The following LAMA3 variants were observed in gnomAD, a reference collection of about 807,000 sequenced individuals.
LAMA3 encodes the protein laminin subunit alpha 3, also known as laminin subunit alpha-3.
A neutral mutation model predicts 402.0 loss-of-function variants in LAMA3; 281 were observed. That is an observed-to-expected ratio of 0.70 (90% CI 0.63 to 0.77). The LOEUF (loss-of-function observed/expected upper bound fraction) is 0.77. Among genes scored for constraint, LAMA3 ranks in the 30% least tolerant of loss-of-function variants. The probability of loss-of-function intolerance (pLI) is 0.00; values close to 1 mark genes in which losing one functional copy is unlikely to be tolerated. For synonymous variants in LAMA3, 1,431 were observed against 1,558.4 expected, an observed-to-expected ratio of 0.92 and a Z score of 1.93; for missense variants, 3,840 against 4,215.5, an observed-to-expected ratio of 0.91 and a Z score of 2.47.
chr18:23,793,147 G>A (rs1421990085), intron 12 of LAMA3, among the ~76,000 whole-genome samples: 1 of 152,142 alleles, frequency 6.6e-6, no homozygotes, highest in Non-Finnish European at 1.5e-5. Context: ...ATTTCAGTGG[G>A]TGCTGGGACA....
intron 70 of LAMA3, among the ~76,000 whole-genome samples, chr18:23,949,322 A>G (rs1371593341): frequency 6.6e-6 from 1 of 152,180 alleles, no homozygotes; most frequent in Non-Finnish European, 1.5e-5. Flanking sequence ...AAGCTAACAC[A>G]CTGCCTCGTG....
chr18:23,748,197 G>A, intron 3 of LAMA3, 137 bp downstream of exon 3: 4 of 700,096 alleles, frequency 5.7e-6, no homozygotes, highest in South Asian at 3.0e-5. Context: ...GGAAGGCCAA[G>A]GCGGGTGGAT....
At position 23,933,914 on chromosome 18, in the gene LAMA3, C is replaced by T; in HGVS notation, c.8841C>T (p.Thr2947=). 2 of 1,614,060 alleles carry T rather than the reference C, an allele frequency of 1.2e-6. No individual in the cohort carries two copies. The part of the protein sequence containing the change: ...LLKGSTRFNK[T]KTFRINQLLQ... Reference sequence around the variant, plus strand: ...AAGGTTCTACCAGGTTTAACAAGACCAAGACTTTTCGTATCAACCAGGTAA... The same window carrying T: ...AAGGTTCTACCAGGTTTAACAAGACTAAGACTTTTCGTATCAACCAGGTAA... The change falls in exon 67 of 75, where the codon ACC becomes ACT. Residue 2947 remains threonine (T), a synonymous_variant. Transcript: ENST00000313654.
chr18:23,794,391 TATATATCATG>T (rs979955128), intron 12 of LAMA3, among the ~76,000 whole-genome samples: 1 of 152,200 alleles, frequency 6.6e-6, no homozygotes, highest in African/African-American at 2.4e-5. Flanking sequence ...CGAAAACCGC[TATATATCATG>T]ATACCACAAC....
intron 1 of LAMA3, among the ~76,000 whole-genome samples, chr18:23,694,599 A>T (rs1007887589): frequency 6.6e-6 from 1 of 152,218 alleles, no homozygotes; most frequent in Non-Finnish European, 1.5e-5. Context: ...TGTGTCCAAG[A>T]TCACACACTT....
intron 7 of LAMA3, among the ~76,000 whole-genome samples, chr18:23,762,361 G>A (rs1007509832): frequency 2.6e-5 from 4 of 152,064 alleles, no homozygotes; most frequent in African/African-American, 9.7e-5. Context: ...GGCCGAGGCG[G>A]GCAGGTCACT....
At chr18:23,915,484 T>C in intron 59 of LAMA3, 62 bp downstream of exon 59, 3 of 1,489,090 alleles carry the variant, frequency 2.0e-6, no homozygotes, top group South Asian at 2.3e-5. Context: ...GCAGTACTTT[T>C]ACATATGATA....
intron 56 of LAMA3, among the ~76,000 whole-genome samples, chr18:23,913,777 A>T (rs2081515194): frequency 6.6e-6 from 1 of 152,192 alleles, no homozygotes; most frequent in Non-Finnish European, 1.5e-5. Flanking sequence ...TAAAATGCAC[A>T]TTACTTTATT....
intron 2 of LAMA3, among the ~76,000 whole-genome samples, chr18:23,732,158 C>G (rs971384726): frequency 3.3e-5 from 5 of 152,142 alleles, no homozygotes; most frequent in Admixed American, 3.3e-4. Context: ...GTAGATCCTG[C>G]ATTTCTAAGA....
Position 23,697,382 on chromosome 18 carries a change from C to T in LAMA3, c.294+7405C>T, listed in dbSNP as rs530394073. 6.6e-5 allele frequency among the ~76,000 whole-genome samples: 10 copies of T among 152,284 alleles called. No homozygotes were observed. The East Asian group carries it at 1.2e-3, about 18-fold the overall frequency. ...TTCTGGAGGGAGTTTTGGTCAACGACGCAGGCTGTACTGGCTCAGGAGCCT... is the reference window on the plus strand; with the variant it reads ...TTCTGGAGGGAGTTTTGGTCAACGATGCAGGCTGTACTGGCTCAGGAGCCT... On this transcript the variant is annotated intron_variant, in intron 1 of 74. Coordinates refer to ENST00000313654, the MANE Select transcript of LAMA3 (RefSeq NM_198129.4).
In LAMA3 at chr18:23,894,893, T is replaced by C; in HGVS notation, c.5462-14T>C. ...CCCCCACAGCACATTTGCCTTTGAT[T>C]GTGGCCCCTACAGATTGCGACAGCT... On this transcript the variant is annotated splice_polypyrimidine_tract_variant and intron_variant, in intron 43 of 74. Transcript: ENST00000313654. 1.2e-6 allele frequency: 2 copies of C among 1,614,146 alleles called. No homozygotes were observed. The highest frequency in any genetic ancestry group is 1.7e-6 in the Non-Finnish European group (2 of 1,180,012).
chr18:23,924,339 G>C (rs2081937990), intron 62 of LAMA3, among the ~76,000 whole-genome samples: 1 of 151,386 alleles, frequency 6.6e-6, no homozygotes, highest in Non-Finnish European at 1.5e-5. Context: ...TTTTAGCAGA[G>C]ACGGGGTTCC....
chr18:23,912,782 G>A lies in LAMA3; in HGVS notation c.7230G>A (p.Leu2410=), dbSNP rs1599077059. The change falls in exon 56 of 75, where the codon TTG becomes TTA. Residue 2410 remains leucine (L), a synonymous_variant. Coordinates refer to ENST00000313654, the MANE Select transcript of LAMA3 (RefSeq NM_198129.4). ...EVRLPNDLED[L]KGYTSLSLFL... is the part of the protein sequence containing the mutation. The stretch of plus-strand genomic sequence containing the variant: ...GACTGCCAAATGACCTGGAAGATTT[G>A]AAAGGATATACATCTCTGTCCTTGT... The A allele has an allele frequency of 6.2e-7, 1 of 1,614,010 alleles. No individual in the cohort carries two copies. Among genetic ancestry groups the A allele is most frequent in the African/African-American group, 1.3e-5 (1 of 75,030 alleles).
chr18:23,780,933 A>G (rs1006730938), intron 11 of LAMA3, among the ~76,000 whole-genome samples: 3 of 152,234 alleles, frequency 2.0e-5, no homozygotes, highest in Non-Finnish European at 4.4e-5. Flanking sequence ...AGCATGGAGA[A>G]TGAATTAGAA....
chr18:23,823,822 A>G (rs1598864096), intron 20 of LAMA3, among the ~76,000 whole-genome samples: 1 of 152,220 alleles, frequency 6.6e-6, no homozygotes, highest in East Asian at 1.9e-4. Flanking sequence ...AGAAGAAAAC[A>G]TATTTTTTCC....
Position 23,916,590 on chromosome 18 carries a change from G to T in LAMA3, c.7818G>T (p.Thr2606=), listed in dbSNP as rs139567388. 1.2e-6 allele frequency: 2 copies of T among 1,613,986 alleles called. No individual in the cohort carries two copies. Among genetic ancestry groups the T allele is most frequent in the Non-Finnish European group, 8.5e-7 (1 of 1,179,930 alleles). Residue 2606 remains threonine (T), a synonymous_variant, in exon 60 of 75, where the codon ACG becomes ACT. Transcript: ENST00000313654. ...CAGACAAAAATTATTTTGAAGGTAC[G>T]GGCTATGCTCGAGTTCCAACTCAAC... is the stretch of plus-strand genomic sequence containing the variant. ...EESDKNYFEG[T]GYARVPTQPH...
chr18:23,716,180 CA>C (rs2061095974), intron 2 of LAMA3, among the ~76,000 whole-genome samples: 1 of 150,442 alleles, frequency 6.6e-6, no homozygotes, highest in Non-Finnish European at 1.5e-5. Flanking sequence ...TTTTTTTAGA[CA>C]GGGTCTCACT....
chr18:23,768,844 G>A (rs1188335879), intron 8 of LAMA3, among the ~76,000 whole-genome samples: 3 of 152,180 alleles, frequency 2.0e-5, no homozygotes, highest in African/African-American at 4.8e-5. Context: ...GCAGCAGCAT[G>A]GATGCAGCTG....
chr18:23,867,552 C>CAAAAAAAAA (rs60964764), intron 36 of LAMA3, among the ~76,000 whole-genome samples: 1 of 96,362 alleles, frequency 1.0e-5, no homozygotes, highest in African/African-American at 4.0e-5. Context: ...CCATCCCTGC[C>CAAAAAAAAA]AAAAAAAAAA....
Sources: allele counts gnomAD v4.1 joint callset (sites outside exome capture counted in the v4.1 genomes callset), GRCh38; gene constraint gnomAD v4.1.1; transcripts MANE v1.5; gene names NCBI Gene and HGNC (gene_info 2026-07-23, HGNC 2026-07-21).